OPCML: variants seen among roughly 807,000 people sequenced by gnomAD.
The protein encoded by OPCML is opioid-binding protein/cell adhesion molecule.
A neutral mutation model predicts 37.8 loss-of-function variants in OPCML; 13 were observed. The observed-to-expected ratio is 0.34, with a 90% CI of 0.22 to 0.55. The LOEUF (loss-of-function observed/expected upper bound fraction) is 0.55. Ranked by LOEUF, OPCML falls within the 20% of genes least tolerant of loss-of-function variation. OPCML has a pLI of 0.91. For missense variants in OPCML, 341 were observed against 435.6 expected (o/e 0.78, Z 1.93); for synonymous variants, 176 against 168.8 (o/e 1.04, Z -0.33).
intron 3 of OPCML, among the ~76,000 whole-genome samples, chr11:132,652,385 C>CACACACACACACACAG (rs3222177): frequency 2.4e-5 from 3 of 126,946 alleles, no homozygotes; most frequent in African/African-American, 1.1e-4. Flanking sequence ...CACACACACA[C>CACACACACACACACAG]AGAGAGAGAA....
chr11:132,492,115 G>A (rs1462716972), intron 4 of OPCML, among the ~76,000 whole-genome samples: 1 of 151,760 alleles, frequency 6.6e-6, no homozygotes, highest in Non-Finnish European at 1.5e-5. Flanking sequence ...TTGACAGAGG[G>A]AATAAAGGAA....
intron 1 of OPCML, chr11:133,026,706 T>G (rs749378727): frequency 2.5e-5 from 12 of 477,408 alleles, no homozygotes; most frequent in Non-Finnish European, 3.0e-5. Context: ...TAGCAGTAAT[T>G]CATCTGCAAC....
intron 1 of OPCML, among the ~76,000 whole-genome samples, chr11:133,158,660 A>G (rs1054445175): frequency 6.6e-6 from 1 of 151,714 alleles, no homozygotes; most frequent in Admixed American, 6.6e-5. Context: ...AGATCACGCC[A>G]CTGCACTCCA....
At chr11:132,915,240 TG>T (rs1204708330) in intron 2 of OPCML, among the ~76,000 whole-genome samples, 1 of 152,200 alleles carries the variant, frequency 6.6e-6, no homozygotes, top group Non-Finnish European at 1.5e-5. Context: ...TATGTGAACG[TG>T]TATACACATC....
chr11:133,423,219 T>G (rs1945929520), intron 1 of OPCML: 1 of 985,364 alleles, frequency 1.0e-6, no homozygotes, highest in African/African-American at 1.7e-5. Flanking sequence ...CCTTGATCAT[T>G]TTAATTGCCT....
chr11:133,043,498 G>A (rs532780983), intron 1 of OPCML, among the ~76,000 whole-genome samples: 2 of 152,212 alleles, frequency 1.3e-5, no homozygotes, highest in South Asian at 2.1e-4. Context: ...AAAGTGTTAG[G>A]TGGCAGCTGC....
At chr11:132,757,167 A>G (rs1424843321) in intron 2 of OPCML, among the ~76,000 whole-genome samples, 2 of 151,834 alleles carry the variant, frequency 1.3e-5, no homozygotes, top group East Asian at 1.9e-4. Flanking sequence ...TCCATGGTGC[A>G]TATGTGCCAC....
intron 2 of OPCML, among the ~76,000 whole-genome samples, chr11:132,700,193 T>A (rs1943752709): frequency 6.6e-6 from 1 of 152,024 alleles, no homozygotes; most frequent in Non-Finnish European, 1.5e-5. Flanking sequence ...AGTCTTCTCT[T>A]TTTTTTCTTA....
intron 2 of OPCML, among the ~76,000 whole-genome samples, chr11:132,701,464 C>A (rs1943814795): frequency 6.6e-6 from 1 of 152,148 alleles, no homozygotes; most frequent in South Asian, 2.1e-4. Context: ...TATAGCCACA[C>A]CTGCTTCCTT....
Position 132,572,368 on chromosome 11 carries a change from G to T in OPCML, c.380-43182C>A, listed in dbSNP as rs79581275. Among the ~76,000 whole-genome samples, 371 of 152,036 alleles carry T rather than the reference G, an allele frequency of 2.4e-3. 1 individual carries two copies. Among genetic ancestry groups the T allele is most frequent in the African/African-American group, 8.4e-3 (349 of 41,484 alleles). On this transcript the variant is annotated intron_variant, in intron 3 of 7. Coordinates refer to ENST00000524381, the MANE Select transcript of OPCML (RefSeq NM_001012393.5). The stretch of plus-strand genomic sequence containing the variant: ...ATTTTTTCCCATGTCTTTTTTTCTA[G>T]AAGTTTTACAGTCTCATGTCTTCTG...
At chr11:132,962,450 A>C (rs1235910558) in intron 1 of OPCML, among the ~76,000 whole-genome samples, 1 of 152,226 alleles carries the variant, frequency 6.6e-6, no homozygotes, top group Non-Finnish European at 1.5e-5. Context: ...GTGCATCATC[A>C]GTTTGCCTAG....
At chr11:132,885,651 A>G (rs1745851768) in intron 2 of OPCML, among the ~76,000 whole-genome samples, 2 of 152,238 alleles carry the variant, frequency 1.3e-5, no homozygotes, top group South Asian at 4.1e-4. Context: ...TCTTTGTGCT[A>G]CAGTTGAAAA....
intron 3 of OPCML, among the ~76,000 whole-genome samples, chr11:132,588,594 A>G (rs1278691500): frequency 3.3e-5 from 5 of 152,112 alleles, no homozygotes; most frequent in Non-Finnish European, 7.3e-5. Flanking sequence ...TTTAGGGATG[A>G]TTCACTGCCC....
intron 4 of OPCML, among the ~76,000 whole-genome samples, chr11:132,524,583 C>T (rs189207056): frequency 1.3e-5 from 2 of 152,228 alleles, no homozygotes; most frequent in Non-Finnish European, 2.9e-5. Flanking sequence ...CAGCAAAACC[C>T]CAAAGGGACG....
At chr11:132,541,870 C>T (rs2096357462) in intron 3 of OPCML, among the ~76,000 whole-genome samples, 1 of 152,118 alleles carries the variant, frequency 6.6e-6, no homozygotes, top group Non-Finnish European at 1.5e-5. Flanking sequence ...GGTTTGGACA[C>T]AGTGAGATGG....
intron 1 of OPCML, among the ~76,000 whole-genome samples, chr11:133,465,527 G>C (rs919841323): frequency 1.3e-5 from 2 of 152,172 alleles, no homozygotes; most frequent in African/African-American, 4.8e-5. Flanking sequence ...TAAGCACTGT[G>C]CTAGAATCTG....
At chr11:133,031,192 T>A (rs7483004) in intron 1 of OPCML, among the ~76,000 whole-genome samples, 1 of 151,990 alleles carries the variant, frequency 6.6e-6, no homozygotes, top group African/African-American at 2.4e-5. Flanking sequence ...CATAGGTGAA[T>A]GAATGGATGG....
At chr11:132,922,986 G>A (rs1371747086) in intron 2 of OPCML, among the ~76,000 whole-genome samples, 5 of 151,800 alleles carry the variant, frequency 3.3e-5, no homozygotes, top group African/African-American at 1.2e-4. Flanking sequence ...AGGTGGGAGG[G>A]TCGCTTGAGC....
chr11:132,622,973 G>A (rs1013974107), intron 3 of OPCML, among the ~76,000 whole-genome samples: 7 of 151,984 alleles, frequency 4.6e-5, no homozygotes, highest in East Asian at 1.9e-4. Context: ...TCTAAATGGC[G>A]GTCATTTAAA....
Sources: gnomAD v4.1 joint callset for allele counts (sites outside exome capture counted in the v4.1 genomes callset) on GRCh38, gnomAD v4.1.1 for gene constraint, MANE v1.5 for transcripts, NCBI Gene and HGNC (gene_info 2026-07-23, HGNC 2026-07-21) for gene names.